Variants in WDPCP observed in about 807,000 individuals in gnomAD.
WDPCP encodes WD repeat-containing and planar cell polarity effector protein fritz homolog.
Under a neutral mutation model 93.1 loss-of-function variants are expected in WDPCP, and 71 were observed. That is an observed-to-expected ratio of 0.76 (90% CI 0.63 to 0.93). The LOEUF is 0.93. Among genes scored for constraint, WDPCP ranks in the 40% least tolerant of loss-of-function variants. The pLI, the probability that WDPCP is intolerant of heterozygous loss-of-function variation, is 0.00. For missense variants in WDPCP, 844 were observed against 887.4 expected (o/e 0.95, Z 0.62); for synonymous variants, 315 against 315.0 (o/e 1.00, Z 0.00).
At chr2:63,655,900 T>A (rs549818975) in intron 2 of WDPCP, among the ~76,000 whole-genome samples, 16 of 152,368 alleles carry the variant, frequency 1.1e-4, no homozygotes, top group Admixed American at 1.3e-4. Flanking sequence ...CAGTTCCTTA[T>A]GAACTGCAAT....
intron 3 of WDPCP, among the ~76,000 whole-genome samples, chr2:63,650,376 C>T (rs139732627): frequency 1.3e-4 from 20 of 152,298 alleles, no homozygotes; most frequent in African/African-American, 4.1e-4. Context: ...AGAACTTCTG[C>T]TTTAGTGAAT....
Position 63,462,168 on chromosome 2 carries a change from C to T in WDPCP, c.385-22297G>A, listed in dbSNP as rs1260886491. On this transcript the variant is annotated intron_variant, in intron 6 of 17. Coordinates refer to ENST00000272321, the MANE Select transcript of WDPCP (RefSeq NM_015910.7). ...ATATACATCATGGAGTACTATGCAGCCATAAAAAAGGATGAGTTCATGTCC... is the reference window on the plus strand; with the variant it reads ...ATATACATCATGGAGTACTATGCAGTCATAAAAAAGGATGAGTTCATGTCC... Among the ~76,000 whole-genome samples the T allele has an allele frequency of 5.0e-4, 76 of 152,102 alleles. 1 individual carries two copies. The highest frequency in any genetic ancestry group is 4.8e-3 in the Admixed American group (74 of 15,276).
chr2:63,691,053 A>T (rs1668882085), intron 2 of WDPCP, among the ~76,000 whole-genome samples: 1 of 152,202 alleles, frequency 6.6e-6, no homozygotes, highest in South Asian at 2.1e-4. Context: ...ACATATATTT[A>T]TCTGGATCTG....
At chr2:63,584,108 T>C (rs890277946) in intron 1 of WDPCP, among the ~76,000 whole-genome samples, 1 of 151,476 alleles carries the variant, frequency 6.6e-6, no homozygotes. Context: ...TACAGTGATA[T>C]GATCATACCA....
chr2:63,547,628 G>A (rs977607897), intron 1 of WDPCP, among the ~76,000 whole-genome samples: 3 of 151,040 alleles, frequency 2.0e-5, no homozygotes, highest in Admixed American at 1.3e-4. Flanking sequence ...TATAAAGAAC[G>A]AAATTCTGTC....
At chr2:63,717,728 G>A (rs1328666189) in intron 2 of WDPCP, 2 of 440,472 alleles carry the variant, frequency 4.5e-6, no homozygotes, top group Non-Finnish European at 8.9e-6. Context: ...CCCACAGTTG[G>A]GTGTTGCTCC....
chr2:63,815,815 A>G (rs1402037928), intron 1 of WDPCP, among the ~76,000 whole-genome samples: 1 of 152,230 alleles, frequency 6.6e-6, no homozygotes, highest in Non-Finnish European at 1.5e-5. Context: ...AGCTGCAAGT[A>G]CTAATAAAGT....
At chr2:63,555,329 C>A (rs1287564973) in intron 1 of WDPCP, among the ~76,000 whole-genome samples, 1 of 152,212 alleles carries the variant, frequency 6.6e-6, no homozygotes, top group Non-Finnish European at 1.5e-5. Context: ...GGTTTATGGG[C>A]AGAACTCTGG....
At chr2:63,606,870 C>A in intron 3 of WDPCP, 1 of 1,610,422 alleles carries the variant, frequency 6.2e-7, no homozygotes, top group South Asian at 1.1e-5. Flanking sequence ...AGAATAAGAC[C>A]TGGAAGTTTG....
chr2:63,201,751 C>T (rs771105967), intron 14 of WDPCP, among the ~76,000 whole-genome samples: 2 of 151,990 alleles, frequency 1.3e-5, no homozygotes, highest in African/African-American at 4.8e-5. Context: ...TCTGGTAAAC[C>T]GTAATTTTCT....
chr2:63,668,507 A>G (rs1393878077), intron 2 of WDPCP, among the ~76,000 whole-genome samples: 1 of 152,200 alleles, frequency 6.6e-6, no homozygotes, highest in African/African-American at 2.4e-5. Flanking sequence ...GAAAATCCAG[A>G]TCTGTACTTT....
intron 12 of WDPCP, among the ~76,000 whole-genome samples, chr2:63,351,328 T>G (rs1689597759): frequency 6.6e-6 from 1 of 152,058 alleles, no homozygotes; most frequent in Admixed American, 6.6e-5. Flanking sequence ...GTTTGCTACA[T>G]GGGAATATTG....
chr2:63,590,631 T>C (rs1319693864), upstream of WDPCP: 1 of 152,222 alleles, frequency 6.6e-6, no homozygotes, highest in African/African-American at 2.4e-5. Flanking sequence ...TCTACTCTTA[T>C]AATGTAGTCT....
chr2:63,633,150 G>A (rs983901805), intron 3 of WDPCP, among the ~76,000 whole-genome samples: 14 of 152,288 alleles, frequency 9.2e-5, no homozygotes, highest in African/African-American at 2.9e-4. Context: ...ATGAATGAGA[G>A]AGAAAGACAT....
chr2:63,400,744 T>G (rs1260961413), intron 10 of WDPCP, among the ~76,000 whole-genome samples: 1 of 152,104 alleles, frequency 6.6e-6, no homozygotes, highest in East Asian at 1.9e-4. Flanking sequence ...CAAACTATAC[T>G]AAAGGCTACA....
intron 1 of WDPCP, among the ~76,000 whole-genome samples, chr2:63,548,008 A>G (rs1238828062): frequency 6.6e-6 from 1 of 152,128 alleles, no homozygotes; most frequent in Non-Finnish European, 1.5e-5. Flanking sequence ...TGATTATATG[A>G]ATGTATCAAA....
At chr2:63,700,768 GA>G (rs756737853) in intron 2 of WDPCP, among the ~76,000 whole-genome samples, 10 of 152,124 alleles carry the variant, frequency 6.6e-5, no homozygotes, top group Non-Finnish European at 1.5e-4. Context: ...ATACAATGGG[GA>G]AAGAACAGGC....
intron 13 of WDPCP, among the ~76,000 whole-genome samples, chr2:63,263,425 G>A (rs1681825170): frequency 6.6e-6 from 1 of 152,062 alleles, no homozygotes; most frequent in Admixed American, 6.6e-5. Context: ...CAAAAAAATG[G>A]GTTTGTTGTA....
At chr2:63,575,487 A>AG in intron 1 of WDPCP, among the ~76,000 whole-genome samples, 1 of 116,534 alleles carries the variant, frequency 8.6e-6, no homozygotes, top group African/African-American at 3.8e-5. Context: ...CAGTGTATAT[A>AG]TAGTATATAC....
Sources: gnomAD v4.1 joint callset for allele counts (sites outside exome capture counted in the v4.1 genomes callset) on GRCh38, gnomAD v4.1.1 for gene constraint, MANE v1.5 for transcripts, NCBI Gene and HGNC (gene_info 2026-07-23, HGNC 2026-07-21) for gene names.